Variants in PLIN4 observed in about 807,000 individuals in gnomAD.
The protein encoded by PLIN4 is perilipin-4.
A neutral mutation model predicts 52.4 loss-of-function variants in PLIN4; 57 were observed. The ratio of observed to expected loss-of-function variants is 1.09; its 90% CI spans 0.88 to 1.36. The LOEUF (loss-of-function observed/expected upper bound fraction) is 1.36. Among genes scored for constraint, PLIN4 ranks in the 40% most tolerant of loss-of-function variants. The probability of loss-of-function intolerance (pLI) is 0.00; values close to 1 mark genes in which losing one functional copy is unlikely to be tolerated. For missense variants in PLIN4, 1,757 were observed against 1,770.3 expected (o/e 0.99, Z 0.13); for synonymous variants, 826 against 785.4 (o/e 1.05, Z -0.86).
rs1441149758 is a variant in PLIN4, at chr19:4,504,857, C to A, written c.3789+4G>T. 6.2e-7 allele frequency: 1 copy of A among 1,605,360 alleles called. No individual in the cohort carries two copies. On this transcript the variant is annotated splice_donor_region_variant and intron_variant, in intron 7 of 7. Coordinates refer to ENST00000301286, the MANE Select transcript of PLIN4 (RefSeq NM_001367868.2). ...GGGGGACCCTAGCCCTGTGCCAGAC[C>A]CACCTCCTGGACAGCAGCGTCCTCC...
chr19:4,507,820 C>G (rs1166538608), intron 6 of PLIN4, among the ~76,000 whole-genome samples: 1 of 152,106 alleles, frequency 6.6e-6, no homozygotes, highest in South Asian at 2.1e-4. Context: ...GGACGCTGCT[C>G]AGCTCCCTGC....
Position 4,512,516 on chromosome 19 carries a change from CT to C in PLIN4, c.1443del (p.Ala483ProfsTer13). On this transcript the variant is annotated frameshift_variant, in exon 5 of 8. Coordinates refer to ENST00000301286, the MANE Select transcript of PLIN4 (RefSeq NM_001367868.2). LOFTEE classifies it high-confidence loss of function. Reference sequence around the variant, plus strand: ...GTGTCCAGGCCGCCCTGGACGGCCCCTTTGGCCACATTCGCAGCACCGGTGA... The same window carrying C: ...GTGTCCAGGCCGCCCTGGACGGCCCCTTGGCCACATTCGCAGCACCGGTGA... ...SGVTGAANVAKGAVQGGLDTT... is the reference protein window; with the variant it reads ...SGVTGAANVAXGAVQGGLDTT... The C allele has an allele frequency of 6.2e-7, 1 of 1,609,518 alleles. No homozygotes were observed. The highest frequency in any genetic ancestry group is 8.5e-7 in the Non-Finnish European group (1 of 1,177,418).
chr19:4,502,573 CTGGGAGGG>C lies in PLIN4; in HGVS notation c.*1878_*1885del, dbSNP rs1156933916. The stretch of plus-strand genomic sequence containing the variant: ...GAGGACGAGGGTCCGCGAGGCTAGG[CTGGGAGGG>C]TGGAGACCAGGCCTTCCCTGAGAGC... On this transcript the variant is annotated 3_prime_UTR_variant, in exon 8 of 8. Coordinates refer to ENST00000301286, the MANE Select transcript of PLIN4 (RefSeq NM_001367868.2). 3 of 226,172 alleles carry C rather than the reference CTGGGAGGG, an allele frequency of 1.3e-5. No homozygotes were observed. In the Admixed American group the frequency reaches 1.8e-4, roughly 14 times the overall value. 14.0% of individuals were successfully genotyped at this position (226,172 alleles called of 1,614,324 possible). A position where few individuals can be genotyped will look rare whatever the true frequency, so the allele number is the denominator to read the frequency against.
In PLIN4 at chr19:4,502,339, A is replaced by G; in HGVS notation, c.*2120T>C. On this transcript the variant is annotated 3_prime_UTR_variant, in exon 8 of 8. Coordinates refer to ENST00000301286, the MANE Select transcript of PLIN4 (RefSeq NM_001367868.2). ...CATCAGGCCACCGTGAGAAGCGACTAAAAGGCACTCTGGGCCCAGCCCAAC... is the reference window on the plus strand; with the variant it reads ...CATCAGGCCACCGTGAGAAGCGACTGAAAGGCACTCTGGGCCCAGCCCAAC... 1 of 395,178 alleles carries G rather than the reference A, an allele frequency of 2.5e-6. No homozygotes were observed. Among genetic ancestry groups the G allele is most frequent in the Non-Finnish European group, 4.7e-6 (1 of 212,728 alleles). 24.5% of individuals were successfully genotyped at this position (395,178 alleles called of 1,614,324 possible).
In PLIN4 at chr19:4,504,910, C is replaced by T. The variant is rs747359789; in HGVS notation, c.3740G>A (p.Arg1247His). Residue 1247 changes from arginine to histidine, a missense_variant, in exon 7 of 8, where the codon CGT becomes CAT. By Grantham distance (29) the Arg-to-His change is conservative. Around this residue, in one of 7 missense-constraint regions of PLIN4, gnomAD observed 712 missense variants for 637.1 expected, o/e 1.12. Transcript: ENST00000301286. ...ACTGGCACCTGAGCCCTGGTCCAGACGTGGCTGCCCTTCTGGAGCCTGCTG... is the reference window on the plus strand; with the variant it reads ...ACTGGCACCTGAGCCCTGGTCCAGATGTGGCTGCCCTTCTGGAGCCTGCTG... Reference protein sequence around the residue: ...KAQQAPEGQPRLDQGSGASAE... With the variant: ...KAQQAPEGQPHLDQGSGASAE... 9.3e-6 allele frequency: 15 copies of T among 1,607,884 alleles called. No homozygotes were observed. The highest frequency in any genetic ancestry group is 8.0e-5 in the African/African-American group (6 of 74,838).
rs143485536 is a variant in PLIN4 at position 4,511,114 on chromosome 19, C to T, written c.2846G>A (p.Gly949Asp). The T allele has an allele frequency of 3.5e-5, 57 of 1,610,916 alleles. 1 individual carries two copies. The East Asian group carries it at 1.2e-3, about 35-fold the overall frequency. Reference protein sequence around the residue: ...VNVAKGTVQTGVDTAKTVLSG... With the variant: ...VNVAKGTVQTDVDTAKTVLSG... The stretch of plus-strand genomic sequence containing the variant: ...CAGCACCGTCTTGGCTGTGTCCACA[C>T]CTGTCTGGACGGTCCCTTTGGCCAC... The change falls in exon 5 of 8, where the codon GGT (glycine) becomes GAT (aspartate). Residue 949 changes from glycine (G) to aspartate (D), a missense_variant. Physicochemically the swap from Gly to Asp is moderately conservative, Grantham distance 94. Transcript: ENST00000301286.
intron 5 of PLIN4, among the ~76,000 whole-genome samples, chr19:4,509,929 G>A (rs1976233921): frequency 6.6e-6 from 1 of 151,716 alleles, no homozygotes; most frequent in Non-Finnish European, 1.5e-5. Context: ...AAATGAAAAA[G>A]GGCCAGGTGC....
rs200831658 is a variant in PLIN4 at position 4,510,843 on chromosome 19, G to A, written c.3117C>T (p.Asn1039=). Residue 1039 remains asparagine, a synonymous_variant, in exon 5 of 8, where the codon AAC becomes AAT. Coordinates refer to ENST00000301286, the MANE Select transcript of PLIN4 (RefSeq NM_001367868.2). Reference sequence around the variant, plus strand: ...CAGTGTGGGTGGCCCCTGTCGCCACGTTCCCTGACCCCATGAGCCCAGCGG... The same window carrying A: ...CAGTGTGGGTGGCCCCTGTCGCCACATTCCCTGACCCCATGAGCCCAGCGG... ...AVSAGLMGSG[N]VATGATHTGL... 2.7e-5 allele frequency: 44 copies of A among 1,612,502 alleles called. No individual in the cohort carries two copies. Among genetic ancestry groups the A allele is most frequent in the Middle Eastern group, 3.3e-4 (2 of 6,052 alleles).
Position 4,508,870 on chromosome 19 carries a change from G to A in PLIN4, c.3600C>T (p.Pro1200=). ...GTTCAAATGCCCGCTGGCGGAAGCT[G>A]GGACCCAGGTCACCTAAACGAACGA... is the stretch of plus-strand genomic sequence containing the variant. ...SYFVRLGDLG[P]SFRQRAFEHA... The change falls in exon 6 of 8, where the codon CCC becomes CCT. Residue 1200 remains proline (P), a synonymous_variant. Transcript: ENST00000301286. 2 of 1,612,964 alleles carry A rather than the reference G, an allele frequency of 1.2e-6. No individual in the cohort carries two copies. Among genetic ancestry groups the A allele is most frequent in the South Asian group, 1.1e-5 (1 of 90,996 alleles).
chr19:4,512,589 G>A lies in PLIN4; in HGVS notation c.1371C>T (p.Thr457=), dbSNP rs371548240. Residue 457 remains threonine, a synonymous_variant, in exon 5 of 8, where the codon ACC becomes ACT. Transcript: ENST00000301286. ...ARGTIQTGVD[T]TKIVLTGTKD... The stretch of plus-strand genomic sequence containing the variant: ...TGGTACCAGTTAGAACGATCTTGGT[G>A]GTGTCCACGCCTGTCTGGATGGTTC... 6.2e-7 allele frequency: 1 copy of A among 1,609,912 alleles called. No homozygotes were observed. The highest frequency in any genetic ancestry group is 8.5e-7 in the Non-Finnish European group (1 of 1,178,108).
Position 4,510,903 on chromosome 19 carries a change from G to A in PLIN4, c.3057C>T (p.Thr1019=). 6.2e-7 allele frequency: 1 copy of A among 1,613,602 alleles called. No individual in the cohort carries two copies. The highest frequency in any genetic ancestry group is 8.5e-7 in the Non-Finnish European group (1 of 1,179,858). ...CTTTGGTTCCGGTCAGCACTGTCTT[G>A]GTGGTGTCCAGGCCCCCCTGGACGG... ...KGAVQGGLDT[T]KTVLTGTKDA... Residue 1019 remains threonine, a synonymous_variant, in exon 5 of 8, where the codon ACC becomes ACT. Transcript: ENST00000301286.
At chr19:4,508,165 C>G (rs1262118445) in intron 6 of PLIN4, among the ~76,000 whole-genome samples, 1 of 152,218 alleles carries the variant, frequency 6.6e-6, no homozygotes, top group Non-Finnish European at 1.5e-5. Context: ...GAGCTGTCTC[C>G]CCATCGGTCA....
chr19:4,505,961 A>G lies in PLIN4; in HGVS notation c.3703-1014T>C, dbSNP rs537394639. ...CTTGGGGTCTTCTCTCACCTCCCAC[A>G]TCGGACCCGGGCAGCTCTGACTTCG... On this transcript the variant is annotated intron_variant, in intron 6 of 7. Transcript: ENST00000301286. Among the ~76,000 whole-genome samples the G allele has an allele frequency of 3.3e-5, 5 of 151,756 alleles. No homozygotes were observed. In the South Asian group the frequency reaches 8.3e-4, roughly 25 times the overall value.
At position 4,510,383 on chromosome 19, in the gene PLIN4, A is replaced by G. The variant is rs539854333; in HGVS notation, c.3514+63T>C. On this transcript the variant is annotated intron_variant, in intron 5 of 7. Transcript: ENST00000301286. ...TCTGTCTCAAAAAAAAAAACAAAAC[A>G]GTCAAGGACCTGCTAGCAGCTGTGC... 7,111 of 1,310,810 alleles carry G rather than the reference A, an allele frequency of 5.4e-3. 37 individuals are homozygous for G. The highest frequency in any genetic ancestry group is 6.5e-3 in the Non-Finnish European group (6,669 of 1,025,312). 81.2% of individuals were successfully genotyped at this position (1,310,810 alleles called of 1,614,324 possible).
intron 6 of PLIN4, among the ~76,000 whole-genome samples, chr19:4,505,798 C>T (rs1219127734): frequency 2.6e-5 from 4 of 152,040 alleles, no homozygotes; most frequent in Admixed American, 1.3e-4. Context: ...TATGCAGACG[C>T]GTCCCCTCGG....
Position 4,505,094 on chromosome 19 carries a change from G to A in PLIN4, c.3703-147C>T, listed in dbSNP as rs139583033. On this transcript the variant is annotated intron_variant, in intron 6 of 7. Coordinates refer to ENST00000301286, the MANE Select transcript of PLIN4 (RefSeq NM_001367868.2). Reference sequence around the variant, plus strand: ...CCAAGTCAGTTGTACCACAGTGGGCGTGTTGTCTTGCAGAAAGAGGCAATA... The same window carrying A: ...CCAAGTCAGTTGTACCACAGTGGGCATGTTGTCTTGCAGAAAGAGGCAATA... The A allele has an allele frequency of 7.1e-4, 519 of 729,868 alleles. 4 individuals carry two copies. In the East Asian group the frequency reaches 8.5e-3, roughly 12 times the overall value. The allele number at this position is 729,868 out of a possible 1,614,324, so 45.2% of individuals were successfully genotyped here.
At chr19:4,516,021 TC>T (rs1478610155) in intron 4 of PLIN4, among the ~76,000 whole-genome samples, 1 of 152,052 alleles carries the variant, frequency 6.6e-6, no homozygotes, top group Non-Finnish European at 1.5e-5. Flanking sequence ...ATGCCTGTAA[TC>T]CCAGCACTTT....
At position 4,512,746 on chromosome 19, in the gene PLIN4, G is replaced by C; in HGVS notation, c.1214C>G (p.Thr405Ser). 1 of 1,559,726 alleles carries C rather than the reference G, an allele frequency of 6.4e-7. No homozygotes were observed. Among genetic ancestry groups the C allele is most frequent in the East Asian group, 2.2e-5 (1 of 44,736 alleles). ...CACATTCGCTGCCCCTGTGAGCCCA[G>C]TGGACATCGTGTCTTTCGTACCCAT... ...MVMGTKDTMSTGLTGAANVAK... is the reference protein window; with the variant it reads ...MVMGTKDTMSSGLTGAANVAK... The change falls in exon 5 of 8, where the codon ACT (threonine) becomes AGT (serine). Residue 405 changes from threonine to serine, a missense_variant. By Grantham distance (58) the Thr-to-Ser change is moderately conservative. Transcript: ENST00000301286.
chr19:4,511,402 GT>G lies in PLIN4; in HGVS notation c.2557del (p.Thr853ArgfsTer17), dbSNP rs776342328. 2.7e-5 allele frequency: 41 copies of G among 1,541,400 alleles called. 1 individual carries two copies. Among genetic ancestry groups the G allele is most frequent in the Non-Finnish European group, 3.5e-5 (39 of 1,128,634 alleles). ...AKGAVQTGLK[T>X]TQNIATGTKN... Reference sequence around the variant, plus strand: ...TGTACCTGTTGCGATATTTTGGGTCGTTTTCAGCCCAGTTTGCACAGCACCC... The same window carrying G: ...TGTACCTGTTGCGATATTTTGGGTCGTTTCAGCCCAGTTTGCACAGCACCC... On this transcript the variant is annotated frameshift_variant, in exon 5 of 8. Coordinates refer to ENST00000301286, the MANE Select transcript of PLIN4 (RefSeq NM_001367868.2). LOFTEE classifies it high-confidence loss of function.
Sources: allele counts gnomAD v4.1 joint callset (sites outside exome capture counted in the v4.1 genomes callset), GRCh38; gene constraint gnomAD v4.1.1; regional missense constraint gnomAD v4.1.1; transcripts MANE v1.5; gene names NCBI Gene and HGNC (gene_info 2026-07-23, HGNC 2026-07-21).